The following HNRNPA1L2 variants were observed in gnomAD, a reference collection of about 807,000 sequenced individuals.
The protein encoded by HNRNPA1L2 is heterogeneous nuclear ribonucleoprotein A1-like 2.
In HNRNPA1L2, 10 loss-of-function variants were observed where a neutral mutation model predicts 18.2. The ratio of observed to expected loss-of-function variants is 0.55; its 90% CI spans 0.34 to 0.93. HNRNPA1L2 has a LOEUF of 0.93. Among genes scored for constraint, HNRNPA1L2 ranks in the 40% least tolerant of loss-of-function variants. The probability of loss-of-function intolerance (pLI) is 0.02; values close to 1 mark genes in which losing one functional copy is unlikely to be tolerated. For missense variants in HNRNPA1L2, 308 were observed against 394.4 expected (o/e 0.78, Z 1.85); for synonymous variants, 124 against 138.6 (o/e 0.89, Z 0.74).
At chr13:52,638,117 C>T (rs1438503368), upstream of HNRNPA1L2, among the ~76,000 whole-genome samples, 1 of 152,046 alleles carries the variant, frequency 6.6e-6, no homozygotes, top group Non-Finnish European at 1.5e-5. Context: ...TTGTTATATG[C>T]TTGGAAGTGT....
chr13:52,618,085 CAAGT>C, the HNRNPA1L2 span, among the ~76,000 whole-genome samples: 1 of 152,168 alleles, frequency 6.6e-6, no homozygotes, highest in African/African-American at 2.4e-5. Flanking sequence ...TCATAAACCC[CAAGT>C]AAGACAGTCT....
the HNRNPA1L2 span, among the ~76,000 whole-genome samples, chr13:52,619,012 A>G: frequency 6.6e-6 from 1 of 152,002 alleles, no homozygotes; most frequent in Non-Finnish European, 1.5e-5. Flanking sequence ...TATTAACTTT[A>G]TTTTCTTTTT....
upstream of HNRNPA1L2, among the ~76,000 whole-genome samples, chr13:52,640,607 G>C (rs1021957774): frequency 1.3e-5 from 2 of 152,162 alleles, no homozygotes; most frequent in Non-Finnish European, 2.9e-5. Context: ...AGGTATCAAG[G>C]ATGTCTTCAC....
rs1409109832 is a variant in HNRNPA1L2 at position 52,643,001 on chromosome 13, T to C, written c.509T>C (p.Val170Ala). 1 of 1,597,484 alleles carries C rather than the reference T, an allele frequency of 6.3e-7. No homozygotes were observed. Among genetic ancestry groups the C allele is most frequent in the Admixed American group, 1.7e-5 (1 of 60,006 alleles). Residue 170 changes from valine (V) to alanine (A), a missense_variant, in exon 1 of 1, where the codon GTG (valine) becomes GCG (alanine). By Grantham distance (64) the Val-to-Ala change is moderately conservative. Coordinates refer to ENST00000357495, the MANE Select transcript of HNRNPA1L2 (RefSeq NM_001389320.1). Reference sequence around the variant, plus strand: ...ATTGTCATTCAGAAATACCATACTGTGAAGGGCCACAACTGTGAAGTTAGA... The same window carrying C: ...ATTGTCATTCAGAAATACCATACTGCGAAGGGCCACAACTGTGAAGTTAGA... Reference protein sequence around the residue: ...DKIVIQKYHTVKGHNCEVRKA... With the variant: ...DKIVIQKYHTAKGHNCEVRKA...
At chr13:52,635,339 C>T in the HNRNPA1L2 span, among the ~76,000 whole-genome samples, 3 of 151,652 alleles carry the variant, frequency 2.0e-5, 1 homozygote, top group African/African-American at 7.3e-5. Context: ...GCAATGTACA[C>T]CTCTAGCCCA....
the HNRNPA1L2 span, among the ~76,000 whole-genome samples, chr13:52,627,145 G>A: frequency 1.3e-5 from 2 of 152,108 alleles, no homozygotes; most frequent in Non-Finnish European, 2.9e-5. Flanking sequence ...AATATATATT[G>A]TTTTTGAAAT....
At chr13:52,625,696 CAAT>C in the HNRNPA1L2 span, among the ~76,000 whole-genome samples, 19 of 152,238 alleles carry the variant, frequency 1.2e-4, 1 homozygote, top group East Asian at 2.1e-3. Context: ...AAAGAAATAA[CAAT>C]GATGTGGAAT....
At chr13:52,617,629 G>A in the HNRNPA1L2 span, 1 of 471,132 alleles carries the variant, frequency 2.1e-6, no homozygotes, top group Non-Finnish European at 3.9e-6. Context: ...CTGGAAGCCC[G>A]GAGACATCAG....
the HNRNPA1L2 span, among the ~76,000 whole-genome samples, chr13:52,634,648 TTGAA>T: frequency 2.6e-5 from 4 of 152,228 alleles, no homozygotes; most frequent in Non-Finnish European, 5.9e-5. Flanking sequence ...TATTGACCGA[TTGAA>T]TGAGTTATTC....
the HNRNPA1L2 span, chr13:52,629,254 G>C: frequency 0.059 from 10,987 of 185,452 alleles, 384 homozygotes; most frequent in African/African-American, 0.095. Context: ...AAAATTGCCA[G>C]ATGTGCTACA....
chr13:52,634,001 G>A, the HNRNPA1L2 span, among the ~76,000 whole-genome samples: 33 of 152,298 alleles, frequency 2.2e-4, no homozygotes, highest in Admixed American at 1.8e-3. Flanking sequence ...CTTACAGATC[G>A]TAGGAACTAG....
chr13:52,621,620 A>C, the HNRNPA1L2 span, among the ~76,000 whole-genome samples: 11 of 152,268 alleles, frequency 7.2e-5, no homozygotes, highest in East Asian at 2.1e-3. Flanking sequence ...GGCCACCCCA[A>C]GGAGCAGGTG....
chr13:52,635,195 A>G, the HNRNPA1L2 span, among the ~76,000 whole-genome samples: 129 of 152,334 alleles, frequency 8.5e-4, no homozygotes, highest in Non-Finnish European at 1.6e-3. Context: ...AAAGGCTCAT[A>G]GAAACCGATT....
chr13:52,618,635 G>A, the HNRNPA1L2 span, among the ~76,000 whole-genome samples: 1 of 152,180 alleles, frequency 6.6e-6, no homozygotes, highest in Non-Finnish European at 1.5e-5. Context: ...ATGCAGATCC[G>A]GGGTTGAGAA....
At chr13:52,621,898 CT>C in the HNRNPA1L2 span, 3 of 151,948 alleles carry the variant, frequency 2.0e-5, no homozygotes, top group Admixed American at 2.0e-4. Context: ...ATGGAAAGGG[CT>C]TGAATTGAAA....
chr13:52,621,569 A>G, the HNRNPA1L2 span, among the ~76,000 whole-genome samples: 342 of 152,308 alleles, frequency 2.2e-3, 2 homozygotes, highest in African/African-American at 7.8e-3. Flanking sequence ...AATGGTGGGA[A>G]GGAACAGATT....
At chr13:52,621,730 G>C in the HNRNPA1L2 span, among the ~76,000 whole-genome samples, 1 of 148,402 alleles carries the variant, frequency 6.7e-6, no homozygotes. Context: ...TTACTTCTCT[G>C]ATTTTCAGTT....
chr13:52,617,814 A>C, the HNRNPA1L2 span: 30 of 389,398 alleles, frequency 7.7e-5, no homozygotes, highest in African/African-American at 4.1e-4. Context: ...TATTGCTTTA[A>C]ATCTGAGAAA....
At chr13:52,625,933 C>A in the HNRNPA1L2 span, among the ~76,000 whole-genome samples, 3 of 151,910 alleles carry the variant, frequency 2.0e-5, no homozygotes, top group Non-Finnish European at 2.9e-5. Flanking sequence ...TGTGCCACCA[C>A]TCCTGGCTAA....
Sources: allele counts gnomAD v4.1 joint callset (sites outside exome capture counted in the v4.1 genomes callset), GRCh38; gene constraint gnomAD v4.1.1; transcripts MANE v1.5; gene names NCBI Gene and HGNC (gene_info 2026-07-23, HGNC 2026-07-21).